The following SPHKAP variants were observed in gnomAD, a reference collection of about 807,000 sequenced individuals.
SPHKAP encodes the protein SPHK1 interactor, AKAP domain containing, also known as A-kinase anchor protein SPHKAP.
A neutral mutation model predicts 137.5 loss-of-function variants in SPHKAP; 67 were observed. The observed-to-expected ratio is 0.49, with a 90% confidence interval of 0.40 to 0.60. The LOEUF (loss-of-function observed/expected upper bound fraction) is 0.60, where lower values mean the gene tolerates loss of function less well. Ranked by LOEUF, SPHKAP falls within the 20% of genes least tolerant of loss-of-function variation. The probability of loss-of-function intolerance (pLI) is 0.00; values close to 1 mark genes in which losing one functional copy is unlikely to be tolerated. For missense variants in SPHKAP, 2,097 were observed against 2,069.3 expected (o/e 1.01, Z -0.26); for synonymous variants, 813 against 785.3 (o/e 1.04, Z -0.59).
intron 9 of SPHKAP, chr2:227,991,531 A>C (rs1693415761): frequency 1.0e-6 from 1 of 984,818 alleles, no homozygotes; most frequent in Non-Finnish European, 1.2e-6. Flanking sequence ...TCCTCCTCCA[A>C]CAACAACAAC....
chr2:228,087,201 C>T (rs1266824754), intron 3 of SPHKAP, among the ~76,000 whole-genome samples: 2 of 152,072 alleles, frequency 1.3e-5, no homozygotes, highest in Admixed American at 6.6e-5. Context: ...AGGAATGATA[C>T]CAAAGGCTTC....
chr2:228,154,293 C>G (rs1403913440), intron 1 of SPHKAP, among the ~76,000 whole-genome samples: 1 of 150,790 alleles, frequency 6.6e-6, no homozygotes, highest in Non-Finnish European at 1.5e-5. Context: ...AGTATGTGAG[C>G]CAAATCAACA....
At chr2:228,007,361 T>C (rs1239730218) in intron 7 of SPHKAP, among the ~76,000 whole-genome samples, 2 of 152,164 alleles carry the variant, frequency 1.3e-5, no homozygotes, top group African/African-American at 4.8e-5. Context: ...TTGAGATATA[T>C]CATACATTAT....
intron 3 of SPHKAP, among the ~76,000 whole-genome samples, chr2:228,048,754 ATGT>A (rs1396035143): frequency 1.3e-5 from 2 of 152,096 alleles, no homozygotes; most frequent in East Asian, 1.9e-4. Flanking sequence ...AGGATTAGTA[ATGT>A]TGTTCATTTC....
chr2:227,981,860 A>G lies in SPHKAP; in HGVS notation c.4960T>C (p.Phe1654Leu), dbSNP rs533651609. The change falls in exon 12 of 12, where the codon TTT becomes CTT. Residue 1654 changes from phenylalanine (F) to leucine (L), a missense_variant and splice_region_variant. Transcript: ENST00000392056. ...KKSQENRIEK[F>L]LDVVQLVHRK... ...TGAACCAGCTGCACGACATCTAGAA[A>G]CTAAAATAAAACGGAGAGTTAGGGC... is the stretch of plus-strand genomic sequence containing the variant. The G allele has an allele frequency of 2.2e-5, 36 of 1,612,220 alleles. No homozygotes were observed. Among genetic ancestry groups the G allele is most frequent in the Non-Finnish European group, 3.0e-5 (35 of 1,179,186 alleles).
intron 3 of SPHKAP, among the ~76,000 whole-genome samples, chr2:228,102,659 A>T (rs1456037532): frequency 1.3e-5 from 2 of 152,234 alleles, no homozygotes; most frequent in African/African-American, 4.8e-5. Context: ...TACTGAATAT[A>T]CTCTAAATTA....
chr2:228,046,926 A>G (rs1022965029), intron 3 of SPHKAP, among the ~76,000 whole-genome samples: 3 of 152,162 alleles, frequency 2.0e-5, no homozygotes, highest in African/African-American at 7.2e-5. Flanking sequence ...ATGATTCCAC[A>G]TGTTAACTTC....
intron 3 of SPHKAP, among the ~76,000 whole-genome samples, chr2:228,061,060 A>G (rs1696615471): frequency 6.6e-6 from 1 of 152,048 alleles, no homozygotes; most frequent in Admixed American, 6.6e-5. Context: ...CTCCATTTCG[A>G]TATGTGTGCT....
intron 3 of SPHKAP, among the ~76,000 whole-genome samples, chr2:228,082,877 T>G (rs2106316967): frequency 6.6e-6 from 1 of 152,284 alleles, no homozygotes; most frequent in South Asian, 2.1e-4. Context: ...AAATATCAAC[T>G]CTTTTTTTAA....
intron 3 of SPHKAP, among the ~76,000 whole-genome samples, chr2:228,043,260 T>C (rs967429211): frequency 6.6e-6 from 1 of 152,126 alleles, no homozygotes; most frequent in Non-Finnish European, 1.5e-5. Flanking sequence ...CTCAACACAA[T>C]GTATGAAAGG....
At position 228,028,732 on chromosome 2, in the gene SPHKAP, A is replaced by C. The variant is rs543821306; in HGVS notation, c.247-1189T>G. Among the ~76,000 whole-genome samples the C allele has an allele frequency of 7.9e-5, 12 of 152,336 alleles. No individual in the cohort carries two copies. The South Asian group carries it at 2.3e-3, about 29-fold the overall frequency. ...ACCTACAGGTACAGTAAGCTATGTC[A>C]TCTAGACTTGTCTAAGTATAGTCTA... is the stretch of plus-strand genomic sequence containing the variant. On this transcript the variant is annotated intron_variant, in intron 3 of 11. Coordinates refer to ENST00000392056, the MANE Select transcript of SPHKAP (RefSeq NM_001142644.2).
intron 1 of SPHKAP, among the ~76,000 whole-genome samples, chr2:228,153,555 A>G (rs1700001965): frequency 1.3e-5 from 2 of 152,154 alleles, no homozygotes; most frequent in Non-Finnish European, 2.9e-5. Flanking sequence ...TTGGAATTCC[A>G]TTGTTGCTTT....
chr2:228,167,775 T>A (rs936830460), intron 1 of SPHKAP, among the ~76,000 whole-genome samples: 2 of 152,188 alleles, frequency 1.3e-5, no homozygotes, highest in African/African-American at 4.8e-5. Flanking sequence ...AAATAAGGTA[T>A]GTTATGTAAC....
Position 228,023,334 on chromosome 2 carries a change from C to A in SPHKAP, c.442-1368G>T, listed in dbSNP as rs144839048. ...TTGCTTTTCTAAGTGTGGGTATGGA[C>A]CTGCAGCCATGGCATCACCAGGGAG... On this transcript the variant is annotated intron_variant, in intron 5 of 11. Transcript: ENST00000392056. 7.2e-5 allele frequency among the ~76,000 whole-genome samples: 11 copies of A among 152,228 alleles called. No homozygotes were observed. The East Asian group carries it at 2.1e-3, about 29-fold the overall frequency.
At chr2:228,167,968 T>G (rs1037365323) in intron 1 of SPHKAP, among the ~76,000 whole-genome samples, 2 of 152,162 alleles carry the variant, frequency 1.3e-5, no homozygotes, top group South Asian at 4.1e-4. Flanking sequence ...ATACCTTTAG[T>G]ATACACTGAT....
chr2:228,179,046 G>A (rs1700822793), intron 1 of SPHKAP, among the ~76,000 whole-genome samples: 2 of 151,804 alleles, frequency 1.3e-5, no homozygotes, highest in South Asian at 2.1e-4. Flanking sequence ...TTATATTTGT[G>A]TTTAATTGAA....
chr2:228,181,319 T>C lies in SPHKAP; in HGVS notation c.32+248A>G, dbSNP rs1700905354. Among the ~76,000 whole-genome samples, 1 of 152,086 alleles carries C rather than the reference T, an allele frequency of 6.6e-6. No individual in the cohort carries two copies. Among genetic ancestry groups the C allele is most frequent in the African/African-American group, 2.4e-5 (1 of 41,428 alleles). On this transcript the variant is annotated intron_variant, in intron 1 of 11. Transcript: ENST00000392056. This position sits in a 1 kb window ranked among gnomAD's most constrained non-coding sequence, Gnocchi z 4.3. ...TGGGCCTTAGAGGCGGGCACGGGGC[T>C]GACCCCCAACCCGTGCCACTCCAGC...
At chr2:228,007,504 A>G (rs529010973) in intron 7 of SPHKAP, among the ~76,000 whole-genome samples, 202 of 151,794 alleles carry the variant, frequency 1.3e-3, no homozygotes, top group Non-Finnish European at 2.5e-3. Context: ...GGAAATCATC[A>G]TTTTACTCTC....
At chr2:228,124,570 C>T (rs1039202767) in intron 2 of SPHKAP, among the ~76,000 whole-genome samples, 9 of 116,816 alleles carry the variant, frequency 7.7e-5, no homozygotes, top group South Asian at 2.8e-4. Context: ...ACATCACACA[C>T]GAGGGCCTGT....
Sources: allele counts gnomAD v4.1 joint callset (sites outside exome capture counted in the v4.1 genomes callset), GRCh38; gene constraint gnomAD v4.1.1; non-coding constraint Gnocchi (gnomAD v3.1); transcripts MANE v1.5; gene names NCBI Gene and HGNC (gene_info 2026-07-23, HGNC 2026-07-21).